GRID1: variants seen among roughly 807,000 people sequenced by gnomAD.
GRID1 encodes the protein glutamate ionotropic receptor delta type subunit 1, also known as glutamate receptor ionotropic, delta-1.
In GRID1, 28 loss-of-function variants were observed where a neutral mutation model predicts 98.0. That is an observed-to-expected ratio of 0.29 (90% CI 0.21 to 0.39). GRID1 has a LOEUF of 0.39. GRID1 is among the 10% of genes least tolerant of loss of function. The pLI is 1.00. For missense variants in GRID1, 1,111 were observed against 1,340.5 expected (o/e 0.83, Z 2.67); for synonymous variants, 553 against 538.5 (o/e 1.03, Z -0.37).
intron 8 of GRID1, among the ~76,000 whole-genome samples, chr10:85,757,108 G>T (rs538042091): frequency 5.9e-5 from 9 of 152,140 alleles, no homozygotes; most frequent in Non-Finnish European, 1.0e-4. Flanking sequence ...AAGCCAACAG[G>T]GGGCAAACTT....
intron 4 of GRID1, among the ~76,000 whole-genome samples, chr10:86,081,358 G>T (rs1843976125): frequency 6.6e-6 from 1 of 152,126 alleles, no homozygotes; most frequent in East Asian, 1.9e-4. Context: ...GACAATGCAA[G>T]AATTCCACCC....
At chr10:86,267,600 C>T (rs1289594704) in intron 2 of GRID1, among the ~76,000 whole-genome samples, 1 of 152,222 alleles carries the variant, frequency 6.6e-6, no homozygotes, top group Admixed American at 6.5e-5. Context: ...GGACGGGGCC[C>T]TTGCTGGAGT....
intron 13 of GRID1, among the ~76,000 whole-genome samples, chr10:85,635,353 A>G (rs939437567): frequency 6.6e-6 from 1 of 152,166 alleles, no homozygotes; most frequent in Admixed American, 6.5e-5. Flanking sequence ...AGTCAATTGT[A>G]TGGCAACTGG....
intron 12 of GRID1, among the ~76,000 whole-genome samples, chr10:85,682,245 CCT>C (rs1841218724): frequency 1.3e-5 from 2 of 152,178 alleles, no homozygotes; most frequent in Non-Finnish European, 2.9e-5. Context: ...TTTCCTAGAT[CCT>C]CTGTTTCCTT....
intron 2 of GRID1, among the ~76,000 whole-genome samples, chr10:86,248,013 G>C (rs1366326425): frequency 6.6e-6 from 1 of 152,210 alleles, no homozygotes; most frequent in Non-Finnish European, 1.5e-5. Flanking sequence ...CAGAGATGGG[G>C]GATCAACAAG....
intron 3 of GRID1, among the ~76,000 whole-genome samples, chr10:86,182,107 C>T (rs1845664268): frequency 6.6e-6 from 1 of 152,224 alleles, no homozygotes; most frequent in South Asian, 2.1e-4. Context: ...TCCGTGGGTG[C>T]AGACAGCCTT....
chr10:85,924,513 T>C (rs757941146), intron 4 of GRID1, among the ~76,000 whole-genome samples: 7 of 152,220 alleles, frequency 4.6e-5, no homozygotes, highest in Non-Finnish European at 1.0e-4. Flanking sequence ...TCTTCATTTG[T>C]ACTGAGCGTT....
intron 2 of GRID1, among the ~76,000 whole-genome samples, chr10:86,223,802 A>G (rs1265212168): frequency 6.6e-6 from 1 of 152,264 alleles, no homozygotes; most frequent in Non-Finnish European, 1.5e-5. Flanking sequence ...ACGAAGGACC[A>G]GCAGGTGATA....
rs1193696950 is a variant in GRID1, at chr10:85,836,244, A to G, written c.1233+18252T>C. ...CAAAATATTGTTCTTCAAAAAATCA[A>G]TAAAGGAGGGGAGGACAAGATGACC... On this transcript the variant is annotated intron_variant, in intron 8 of 15. Transcript: ENST00000327946. 3.3e-5 allele frequency among the ~76,000 whole-genome samples: 5 copies of G among 152,302 alleles called. No homozygotes were observed. The East Asian group carries it at 9.6e-4, about 29-fold the overall frequency.
At chr10:85,981,476 C>G (rs1012940718) in intron 4 of GRID1, among the ~76,000 whole-genome samples, 1 of 152,178 alleles carries the variant, frequency 6.6e-6, no homozygotes, top group Non-Finnish European at 1.5e-5. Context: ...GATGGGAGCC[C>G]AGCAGCCACT....
chr10:86,175,897 C>CG (rs1460721829), intron 3 of GRID1, among the ~76,000 whole-genome samples: 2 of 152,198 alleles, frequency 1.3e-5, no homozygotes, highest in Non-Finnish European at 2.9e-5. Context: ...TTGGTAGAGA[C>CG]GGGGTTTCTC....
Position 85,838,267 on chromosome 10 carries a change from A to C in GRID1, c.1233+16229T>G, listed in dbSNP as rs543527171. Among the ~76,000 whole-genome samples the C allele has an allele frequency of 1.2e-3, 176 of 152,202 alleles. 1 individual carries two copies. The highest frequency in any genetic ancestry group is 1.7e-3 in the Non-Finnish European group (117 of 68,032). On this transcript the variant is annotated intron_variant, in intron 8 of 15. Transcript: ENST00000327946. ...GATATCATCCATGAGAACTTCCCCA[A>C]CCTAGCTAGAGAGGTTAACATTCAA...
intron 2 of GRID1, chr10:86,264,728 G>C (rs1283729895): frequency 2.0e-6 from 1 of 490,292 alleles, no homozygotes; most frequent in East Asian, 6.1e-5. Context: ...CCCAGCCCCT[G>C]CCTCCTTCAG....
intron 4 of GRID1, among the ~76,000 whole-genome samples, chr10:86,053,541 T>A (rs768266610): frequency 1.2e-4 from 18 of 151,862 alleles, no homozygotes; most frequent in Non-Finnish European, 1.9e-4. Flanking sequence ...TTTGTATTTT[T>A]AGTAGAGATG....
At chr10:85,938,573 C>T (rs1589305923) in intron 4 of GRID1, among the ~76,000 whole-genome samples, 1 of 152,244 alleles carries the variant, frequency 6.6e-6, no homozygotes, top group East Asian at 1.9e-4. Context: ...AAGTGAGCCT[C>T]AGAGACATCA....
chr10:86,207,512 C>T (rs74858663), intron 2 of GRID1, among the ~76,000 whole-genome samples: 1 of 152,028 alleles, frequency 6.6e-6, no homozygotes, highest in Non-Finnish European at 1.5e-5. Context: ...GGACATCAAC[C>T]AATTAATAGA....
intron 2 of GRID1, among the ~76,000 whole-genome samples, chr10:86,222,318 GCCTC>G (rs1311830199): frequency 6.6e-6 from 1 of 152,198 alleles, no homozygotes; most frequent in Non-Finnish European, 1.5e-5. Flanking sequence ...GCTTCCAGGT[GCCTC>G]CCAGCCCAGG....
At chr10:86,035,049 G>A (rs1843240596) in intron 4 of GRID1, among the ~76,000 whole-genome samples, 2 of 151,424 alleles carry the variant, frequency 1.3e-5, no homozygotes, top group Admixed American at 6.6e-5. Context: ...TAGGCTCCAG[G>A]GAGCACAGTC....
intron 2 of GRID1, among the ~76,000 whole-genome samples, chr10:86,314,587 G>A (rs1283649340): frequency 6.6e-6 from 1 of 152,200 alleles, no homozygotes; most frequent in African/African-American, 2.4e-5. Context: ...GGGAAATGGT[G>A]GCACAGGTGC....
Sources: gnomAD v4.1 joint callset for allele counts (sites outside exome capture counted in the v4.1 genomes callset) on GRCh38, gnomAD v4.1.1 for gene constraint, MANE v1.5 for transcripts, NCBI Gene and HGNC (gene_info 2026-07-23, HGNC 2026-07-21) for gene names.